LDLRAD4: variants seen among roughly 807,000 people sequenced by gnomAD.
The protein encoded by LDLRAD4 is low-density lipoprotein receptor class A domain-containing protein 4.
Under a neutral mutation model 17.0 loss-of-function variants are expected in LDLRAD4, and 5 were observed. The observed-to-expected ratio is 0.29, with a 90% CI of 0.15 to 0.62. The LOEUF is 0.62. LDLRAD4 is among the 20% of genes least tolerant of loss of function. The pLI, the probability that LDLRAD4 is intolerant of heterozygous loss-of-function variation, is 0.84. For synonymous variants in LDLRAD4, 168 were observed against 171.8 expected (o/e 0.98, Z 0.17); for missense variants, 340 against 424.7 (o/e 0.80, Z 1.75).
intron 2 of LDLRAD4, among the ~76,000 whole-genome samples, chr18:13,401,958 G>A (rs755378408): frequency 3.3e-5 from 5 of 152,162 alleles, no homozygotes; most frequent in Non-Finnish European, 5.9e-5. Context: ...AGTTTCCAAC[G>A]GTGGTTCCTC....
intron 1 of LDLRAD4, among the ~76,000 whole-genome samples, chr18:13,245,216 G>A (rs2042896991): frequency 6.6e-6 from 1 of 152,220 alleles, no homozygotes; most frequent in Non-Finnish European, 1.5e-5. Context: ...TACCTGGGCT[G>A]TACGGATGCA....
intron 3 of LDLRAD4, among the ~76,000 whole-genome samples, chr18:13,475,213 C>T (rs1037995384): frequency 1.3e-5 from 2 of 152,184 alleles, no homozygotes; most frequent in African/African-American, 4.8e-5. Flanking sequence ...AATTCTTTCT[C>T]CCAGTATGAG....
intron 3 of LDLRAD4, among the ~76,000 whole-genome samples, chr18:13,560,723 C>A (rs751584003): frequency 3.9e-5 from 6 of 152,198 alleles, no homozygotes; most frequent in Non-Finnish European, 7.3e-5. Context: ...CCCTTTTCAG[C>A]GTCAGCTTTT....
At chr18:13,379,328 G>A (rs1408027248) in intron 1 of LDLRAD4, among the ~76,000 whole-genome samples, 1 of 152,270 alleles carries the variant, frequency 6.6e-6, no homozygotes, top group African/African-American at 2.4e-5. Flanking sequence ...CCACTTGTGT[G>A]TGGTGCCCAG....
chr18:13,438,333 G>A (rs2090798932), exon 3 of LDLRAD4: 1 of 1,613,852 alleles, frequency 6.2e-7, no homozygotes, highest in Non-Finnish European at 8.5e-7. Context: ...CAACAGTGAC[G>A]AAGAGAACTG....
At chr18:13,581,079 C>A (rs1219675887) in intron 3 of LDLRAD4, among the ~76,000 whole-genome samples, 1 of 152,122 alleles carries the variant, frequency 6.6e-6, no homozygotes, top group African/African-American at 2.4e-5. Context: ...GGATGGGGCC[C>A]AAGCCTGAAC....
In LDLRAD4 at chr18:13,291,293, A is replaced by G. The variant is rs138255747; in HGVS notation, c.-383+13105A>G. 7.3e-3 allele frequency among the ~76,000 whole-genome samples: 1,112 copies of G among 152,322 alleles called. 13 individuals are homozygous for G. Among genetic ancestry groups the G allele is most frequent in the African/African-American group, 0.025 (1,044 of 41,558 alleles). ...ATCAGCCACAAAGCCCTCTGCCACC[A>G]ACAGAGGTGTTGGAAGGCAAAAGCA... On this transcript the variant is annotated intron_variant, in intron 1 of 5. Transcript: ENST00000359446.
rs185070641 is a variant in LDLRAD4 at position 13,271,249 on chromosome 18, T to A, written c.-466-6856T>A. Among the ~76,000 whole-genome samples, 34 of 152,354 alleles carry A rather than the reference T, an allele frequency of 2.2e-4. No individual in the cohort carries two copies. The East Asian group carries it at 2.3e-3, about 10-fold the overall frequency. On this transcript the variant is annotated intron_variant, in intron 1 of 5. Coordinates refer to the LDLRAD4 transcript ENST00000399848. The stretch of plus-strand genomic sequence containing the variant: ...TTAAATAATGAGACTCTAATGAGGG[T>A]TAGCTAAGACTCAAGTGACTGTAAC...
intron 1 of LDLRAD4, among the ~76,000 whole-genome samples, chr18:13,296,501 A>C (rs1046962402): frequency 2.0e-5 from 3 of 151,796 alleles, no homozygotes; most frequent in Admixed American, 6.6e-5. Context: ...CTGGGCACAC[A>C]TGAGGGGTCT....
chr18:13,439,385 T>C (rs192777879), intron 3 of LDLRAD4, among the ~76,000 whole-genome samples: 1 of 152,358 alleles, frequency 6.6e-6, no homozygotes, highest in Non-Finnish European at 1.5e-5. Flanking sequence ...TCTAGCAAAT[T>C]TTAAGCCTGC....
At chr18:13,352,036 A>G (rs2144415400) in intron 1 of LDLRAD4, among the ~76,000 whole-genome samples, 1 of 152,344 alleles carries the variant, frequency 6.6e-6, no homozygotes, top group South Asian at 2.1e-4. Flanking sequence ...CAATAGATGC[A>G]GAAAAGGCCT....
chr18:13,412,421 T>C (rs1940158354), intron 2 of LDLRAD4, among the ~76,000 whole-genome samples: 3 of 152,208 alleles, frequency 2.0e-5, no homozygotes, highest in Admixed American at 2.0e-4. Flanking sequence ...ATCTCCCTTA[T>C]AAAGAAGTAT....
intron 3 of LDLRAD4, among the ~76,000 whole-genome samples, chr18:13,601,996 G>A (rs1000473744): frequency 6.6e-6 from 1 of 152,230 alleles, no homozygotes; most frequent in African/African-American, 2.4e-5. Flanking sequence ...ATGAAATCAT[G>A]TCCTTTGCAG....
At chr18:13,449,377 T>G (rs2091641977) in intron 3 of LDLRAD4, among the ~76,000 whole-genome samples, 2 of 152,216 alleles carry the variant, frequency 1.3e-5, no homozygotes, top group African/African-American at 4.8e-5. Context: ...GGCTGGGCTG[T>G]GGGCATCAGC....
intron 3 of LDLRAD4, among the ~76,000 whole-genome samples, chr18:13,557,884 C>G (rs1337141901): frequency 6.6e-6 from 1 of 152,194 alleles, no homozygotes; most frequent in African/African-American, 2.4e-5. Flanking sequence ...TGTCCAAATT[C>G]TTGATGCCCA....
At chr18:13,576,725 G>A (rs1219882437) in intron 3 of LDLRAD4, among the ~76,000 whole-genome samples, 2 of 152,168 alleles carry the variant, frequency 1.3e-5, no homozygotes, top group Non-Finnish European at 2.9e-5. Flanking sequence ...TTGTTGGGTG[G>A]GACCACAGAT....
intron 1 of LDLRAD4, among the ~76,000 whole-genome samples, chr18:13,339,490 T>C (rs549740621): frequency 1.1e-3 from 168 of 152,306 alleles, no homozygotes; most frequent in Non-Finnish European, 9.4e-4. Flanking sequence ...CATGAGCCAC[T>C]GCACCCAGCC....
At chr18:13,261,647 G>A (rs769644791) in intron 1 of LDLRAD4, among the ~76,000 whole-genome samples, 17 of 152,006 alleles carry the variant, frequency 1.1e-4, no homozygotes, top group African/African-American at 3.9e-4. Context: ...GGTTAGAAAC[G>A]TAGAGGTTGT....
chr18:13,605,779 A>G lies in LDLRAD4; in HGVS notation c.182-15338A>G, dbSNP rs142001311. Among the ~76,000 whole-genome samples, 304 of 152,324 alleles carry G rather than the reference A, an allele frequency of 2.0e-3. 8 individuals are homozygous for G. The South Asian group carries it at 0.035, about 17-fold the overall frequency. On this transcript the variant is annotated intron_variant, in intron 3 of 5. Transcript: ENST00000359446. ...TGTTGAATGACAATTAGCAAAAACA[A>G]GAGCCCTCACATGTCCTCGTGGTGG...
Sources: gnomAD v4.1 joint callset for allele counts (sites outside exome capture counted in the v4.1 genomes callset) on GRCh38, gnomAD v4.1.1 for gene constraint, MANE v1.5 for transcripts, NCBI Gene and HGNC (gene_info 2026-07-23, HGNC 2026-07-21) for gene names.